ANGPT1: variants seen among roughly 807,000 people sequenced by gnomAD.
ANGPT1 encodes angiopoietin 1.
In ANGPT1, 17 loss-of-function variants were observed where a neutral mutation model predicts 62.2. The observed-to-expected ratio is 0.27, with a 90% confidence interval of 0.19 to 0.41. The LOEUF (loss-of-function observed/expected upper bound fraction) is 0.41, where lower values mean the gene tolerates loss of function less well. Ranked by LOEUF, ANGPT1 falls within the 10% of genes least tolerant of loss-of-function variation. ANGPT1 has a pLI of 1.00. For missense variants in ANGPT1, 478 were observed against 594.9 expected (o/e 0.80, Z 2.04); for synonymous variants, 199 against 198.9 (o/e 1.00, Z 0.00).
chr8:107,263,375 AAAAG>A (rs1210237252), intron 8 of ANGPT1, among the ~76,000 whole-genome samples: 4 of 135,472 alleles, frequency 3.0e-5, no homozygotes, highest in African/African-American at 8.5e-5. Context: ...AAAAAAAAAA[AAAAG>A]GAAGTAGATA....
At chr8:107,267,266 A>G (rs1240958522) in intron 7 of ANGPT1, among the ~76,000 whole-genome samples, 1 of 152,086 alleles carries the variant, frequency 6.6e-6, no homozygotes, top group Non-Finnish European at 1.5e-5. Flanking sequence ...CCACTTTTTC[A>G]TATCATTACA....
chr8:107,447,234 G>T (rs1041363344), intron 1 of ANGPT1, among the ~76,000 whole-genome samples: 1 of 152,098 alleles, frequency 6.6e-6, no homozygotes, highest in Non-Finnish European at 1.5e-5. Context: ...AGATGTGATT[G>T]CATGTTTGAA....
At chr8:107,276,566 A>G (rs1563545843) in intron 7 of ANGPT1, among the ~76,000 whole-genome samples, 1 of 152,144 alleles carries the variant, frequency 6.6e-6, no homozygotes, top group Non-Finnish European at 1.5e-5. Context: ...AATTCTTTTC[A>G]ATCCACATGA....
At chr8:107,377,558 A>G (rs2130262326) in intron 1 of ANGPT1, among the ~76,000 whole-genome samples, 1 of 152,300 alleles carries the variant, frequency 6.6e-6, no homozygotes, top group East Asian at 1.9e-4. Context: ...GGACTATTTT[A>G]AAGTATTTTG....
chr8:107,297,641 T>C (rs372014604), intron 5 of ANGPT1, among the ~76,000 whole-genome samples: 2 of 149,576 alleles, frequency 1.3e-5, no homozygotes, highest in Admixed American at 6.7e-5. Context: ...AACCAAAACA[T>C]GTAGAAGTTC....
chr8:107,299,421 A>AT (rs1554580177), intron 5 of ANGPT1, among the ~76,000 whole-genome samples: 2,872 of 124,280 alleles, frequency 0.023, 127 homozygotes, highest in African/African-American at 0.073. Context: ...ATATATATAT[A>AT]AACATACATA....
chr8:107,291,901 G>C (rs1012671735), intron 6 of ANGPT1, among the ~76,000 whole-genome samples: 3 of 142,242 alleles, frequency 2.1e-5, no homozygotes, highest in Non-Finnish European at 3.1e-5. Flanking sequence ...TGGGGGGGGG[G>C]GGGGGCTTGC....
At chr8:107,281,680 AG>A (rs1267639500) in intron 7 of ANGPT1, among the ~76,000 whole-genome samples, 2 of 152,160 alleles carry the variant, frequency 1.3e-5, no homozygotes, top group Non-Finnish European at 2.9e-5. Context: ...AGAGAGGCTG[AG>A]GCGGGAGAAT....
chr8:107,428,497 T>C (rs1388517950), intron 1 of ANGPT1, among the ~76,000 whole-genome samples: 4 of 152,154 alleles, frequency 2.6e-5, no homozygotes, highest in Non-Finnish European at 5.9e-5. Context: ...TCTGAGAAAA[T>C]GTAGGTTTTC....
chr8:107,480,053 A>G (rs1159343893), intron 1 of ANGPT1, among the ~76,000 whole-genome samples: 1 of 152,158 alleles, frequency 6.6e-6, no homozygotes, highest in Non-Finnish European at 1.5e-5. Flanking sequence ...GTCTTACTGG[A>G]ATGCAATCTT....
chr8:107,255,052 G>A (rs1411626729), intron 8 of ANGPT1, among the ~76,000 whole-genome samples: 1 of 152,086 alleles, frequency 6.6e-6, no homozygotes, highest in Non-Finnish European at 1.5e-5. Flanking sequence ...AGGGATAGGG[G>A]ACAGAAATTT....
intron 4 of ANGPT1, among the ~76,000 whole-genome samples, chr8:107,309,175 T>C (rs1038190043): frequency 2.0e-5 from 3 of 152,192 alleles, no homozygotes; most frequent in African/African-American, 7.2e-5. Flanking sequence ...TCTTCAATCG[T>C]TCATTTTAAA....
intron 1 of ANGPT1, among the ~76,000 whole-genome samples, chr8:107,455,166 T>C (rs1811886215): frequency 6.6e-6 from 1 of 152,084 alleles, no homozygotes; most frequent in Admixed American, 6.6e-5. Flanking sequence ...AAGACCTTTT[T>C]GGTTCAAAAT....
intron 1 of ANGPT1, among the ~76,000 whole-genome samples, chr8:107,446,265 G>T (rs77118039): frequency 0.043 from 6,615 of 152,230 alleles, 498 homozygotes; most frequent in African/African-American, 0.15. Context: ...TACCATTTCA[G>T]AAATATAAAA....
Position 107,359,217 on chromosome 8 carries a change from G to C in ANGPT1, c.298-12120C>G, listed in dbSNP as rs140526155. Among the ~76,000 whole-genome samples, 329 of 152,216 alleles carry C rather than the reference G, an allele frequency of 2.2e-3. 5 individuals carry two copies. In the South Asian group the frequency reaches 0.023, roughly 11 times the overall value. On this transcript the variant is annotated intron_variant, in intron 1 of 8. Coordinates refer to ENST00000517746, the MANE Select transcript of ANGPT1 (RefSeq NM_001146.5). ...CCCAACGCCTGACTTACTCCGAAGAGAGGAGTACAATGTCTTTCAGATTCC... is the reference window on the plus strand; with the variant it reads ...CCCAACGCCTGACTTACTCCGAAGACAGGAGTACAATGTCTTTCAGATTCC...
chr8:107,401,043 G>A (rs1377623006), intron 1 of ANGPT1, among the ~76,000 whole-genome samples: 1 of 151,962 alleles, frequency 6.6e-6, no homozygotes, highest in Non-Finnish European at 1.5e-5. Context: ...CTGTTAAAAC[G>A]TTACTTTTGG....
At chr8:107,446,049 C>G (rs564422789) in intron 1 of ANGPT1, among the ~76,000 whole-genome samples, 2 of 152,254 alleles carry the variant, frequency 1.3e-5, no homozygotes, top group East Asian at 3.9e-4. Flanking sequence ...TCCTGAGTAG[C>G]TGGGACAACA....
chr8:107,256,155 A>G (rs1813351909), intron 8 of ANGPT1, among the ~76,000 whole-genome samples: 1 of 152,190 alleles, frequency 6.6e-6, no homozygotes, highest in Non-Finnish European at 1.5e-5. Flanking sequence ...GCAACTGATA[A>G]TAAAGATGAT....
At chr8:107,339,022 C>G (rs1432758218) in intron 2 of ANGPT1, among the ~76,000 whole-genome samples, 1 of 152,192 alleles carries the variant, frequency 6.6e-6, no homozygotes, top group African/African-American at 2.4e-5. Context: ...CAGTTCCTGA[C>G]ATTCTCAGAC....
Sources: allele counts gnomAD v4.1 joint callset (sites outside exome capture counted in the v4.1 genomes callset), GRCh38; gene constraint gnomAD v4.1.1; transcripts MANE v1.5; gene names NCBI Gene and HGNC (gene_info 2026-07-23, HGNC 2026-07-21).